Variants in IPO11 observed in about 807,000 individuals in gnomAD.
The protein encoded by IPO11 is importin 11.
In IPO11, 66 loss-of-function variants were observed where a neutral mutation model predicts 143.2. The observed-to-expected ratio is 0.46, with a 90% confidence interval of 0.38 to 0.57. The LOEUF is 0.57. Ranked by LOEUF, IPO11 falls within the 20% of genes least tolerant of loss-of-function variation. IPO11 has a pLI of 0.00. For synonymous variants in IPO11, 385 were observed against 377.8 expected (o/e 1.02, Z -0.22); for missense variants, 1,026 against 1,141.0 (o/e 0.90, Z 1.45).
At chr5:62,506,107 A>C in intron 18 of IPO11, 134 bp from the exon 19 acceptor site, 1 of 520,364 alleles carries the variant, frequency 1.9e-6, no homozygotes, top group South Asian at 3.0e-5. Context: ...TGTTTAGGTA[A>C]TGCCAAGCTT....
chr5:62,550,502 A>T, intron 25 of IPO11, 40 bp downstream of exon 25: 2 of 1,328,518 alleles, frequency 1.5e-6, no homozygotes, highest in Non-Finnish European at 2.1e-6. Context: ...GTGTTAGACT[A>T]TAGGATTCTA....
intron 24 of IPO11, among the ~76,000 whole-genome samples, chr5:62,540,891 C>G (rs1009499309): frequency 6.6e-6 from 1 of 152,112 alleles, no homozygotes; most frequent in Non-Finnish European, 1.5e-5. Context: ...TAATTTTAGG[C>G]AAAATAATTT....
chr5:62,551,891 T>C (rs1226661675), intron 26 of IPO11, among the ~76,000 whole-genome samples: 1 of 152,116 alleles, frequency 6.6e-6, no homozygotes, highest in Non-Finnish European at 1.5e-5. Context: ...TTTGGGAGGC[T>C]GAGGTGGGTG....
Position 62,536,754 on chromosome 5 carries a change from C to A in IPO11, c.2142C>A (p.Ile714=). 3.2e-6 allele frequency: 5 copies of A among 1,568,818 alleles called. No individual in the cohort carries two copies. The Middle Eastern group carries it at 8.4e-4, about 265-fold the overall frequency. ...GCTTTAAGATCATCAATGGTTATAT[C>A]TTTTTATCATCAACAGAATTTTTAC... ...RTCFKIINGY[I]FLSSTEFLQT... Residue 714 remains isoleucine (I), a synonymous_variant, in exon 23 of 30, where the codon ATC becomes ATA. Coordinates refer to ENST00000325324, the MANE Select transcript of IPO11 (RefSeq NM_016338.5).
intron 29 of IPO11, among the ~76,000 whole-genome samples, chr5:62,607,800 CTT>C (rs753761939): frequency 2.1e-5 from 3 of 142,038 alleles, no homozygotes; most frequent in African/African-American, 2.6e-5. Flanking sequence ...TGCCACATCT[CTT>C]TTTTTTTTTT....
At chr5:62,482,264 G>GT (rs1279261701) in intron 9 of IPO11, among the ~76,000 whole-genome samples, 1 of 152,092 alleles carries the variant, frequency 6.6e-6, no homozygotes, top group East Asian at 1.9e-4. Flanking sequence ...TTTTTGAAGG[G>GT]TTTTTTTGTG....
chr5:62,513,253 G>C (rs1461168489), intron 19 of IPO11, among the ~76,000 whole-genome samples: 1 of 151,646 alleles, frequency 6.6e-6, no homozygotes, highest in Non-Finnish European at 1.5e-5. Flanking sequence ...GCGGGTGGCC[G>C]GGCGGGGGGC....
At position 62,450,449 on chromosome 5, in the gene IPO11, TAAAC is replaced by T. The variant is rs1193697553; in HGVS notation, c.312+455_312+458del. On this transcript the variant is annotated intron_variant, in intron 4 of 29. Transcript: ENST00000325324. The stretch of plus-strand genomic sequence containing the variant: ...TCATTAGTTTGTGGTGATGTTGGTG[TAAAC>T]AAACCTATTGCACTGCTGCTAGTCT... Among the ~76,000 whole-genome samples, 7 of 152,306 alleles carry T rather than the reference TAAAC, an allele frequency of 4.6e-5. No individual in the cohort carries two copies. The South Asian group carries it at 8.3e-4, about 18-fold the overall frequency.
intron 29 of IPO11, among the ~76,000 whole-genome samples, chr5:62,620,947 A>G (rs1047675731): frequency 2.0e-5 from 3 of 152,242 alleles, no homozygotes; most frequent in African/African-American, 7.2e-5. Flanking sequence ...ATCGAGACTT[A>G]TTGAAATGCA....
At chr5:62,552,592 T>A (rs1268147707) in intron 26 of IPO11, among the ~76,000 whole-genome samples, 1 of 151,936 alleles carries the variant, frequency 6.6e-6, no homozygotes, top group Non-Finnish European at 1.5e-5. Flanking sequence ...GATTACAGGA[T>A]AACTAAAAAT....
chr5:62,420,614 C>G (rs892714695), intron 1 of IPO11, among the ~76,000 whole-genome samples: 2 of 150,412 alleles, frequency 1.3e-5, no homozygotes, highest in Non-Finnish European at 3.0e-5. Flanking sequence ...GGGTCTCACT[C>G]TGTCACCCAG....
intron 2 of IPO11, among the ~76,000 whole-genome samples, chr5:62,439,284 GTTTTTTTTTTT>G (rs1226593063): frequency 3.3e-5 from 3 of 90,940 alleles, no homozygotes; most frequent in South Asian, 4.3e-4. Flanking sequence ...AACTGCGTAG[GTTTTTTTTTTT>G]TTTTTTTTTT....
rs544047682 is a variant in IPO11 at position 62,535,644 on chromosome 5, G to A, written c.2090-1058G>A. On this transcript the variant is annotated intron_variant, in intron 22 of 29. Transcript: ENST00000325324. Reference sequence around the variant, plus strand: ...TAAAACTGTCAAATCCTAAAGTTTAGGAACTAATGCCTTCAGAGACATTTT... The same window carrying A: ...TAAAACTGTCAAATCCTAAAGTTTAAGAACTAATGCCTTCAGAGACATTTT... Among the ~76,000 whole-genome samples the A allele has an allele frequency of 4.1e-4, 62 of 152,076 alleles. 2 individuals are homozygous for A. The highest frequency in any genetic ancestry group is 1.5e-3 in the African/African-American group (61 of 41,504).
At chr5:62,558,450 A>G (rs1275274659) in intron 26 of IPO11, among the ~76,000 whole-genome samples, 1 of 152,234 alleles carries the variant, frequency 6.6e-6, no homozygotes, top group African/African-American at 2.4e-5. Flanking sequence ...ACAAAAATAT[A>G]GTGGCTTGCT....
chr5:62,619,989 A>G (rs1314546206), intron 29 of IPO11, among the ~76,000 whole-genome samples: 1 of 152,234 alleles, frequency 6.6e-6, no homozygotes, highest in Non-Finnish European at 1.5e-5. Context: ...GGAAAAACAC[A>G]AGAGAGGCAG....
At chr5:62,435,140 A>ATATGTATATG (rs1744151599) in intron 1 of IPO11, among the ~76,000 whole-genome samples, 3 of 54,534 alleles carry the variant, frequency 5.5e-5, no homozygotes, top group Admixed American at 1.6e-4. Context: ...ATATATGTAT[A>ATATGTATATG]TATGTATATA....
chr5:62,415,746 G>A (rs1449974559), intron 1 of IPO11, among the ~76,000 whole-genome samples: 1 of 152,084 alleles, frequency 6.6e-6, no homozygotes, highest in African/African-American at 2.4e-5. Flanking sequence ...GGGATTACAG[G>A]CTTGAGCCAC....
At chr5:62,542,045 ATC>A (rs1034602599) in intron 24 of IPO11, among the ~76,000 whole-genome samples, 5 of 151,984 alleles carry the variant, frequency 3.3e-5, no homozygotes, top group South Asian at 2.1e-4. Context: ...ACAAGACTGC[ATC>A]TCTCTTTTTT....
chr5:62,496,559 A>G (rs569760796), intron 16 of IPO11, among the ~76,000 whole-genome samples: 33 of 152,202 alleles, frequency 2.2e-4, no homozygotes, highest in Non-Finnish European at 2.2e-4. Context: ...TAAAAAGTAC[A>G]TTTAAAATCA....
Sources: allele counts gnomAD v4.1 joint callset (sites outside exome capture counted in the v4.1 genomes callset), GRCh38; gene constraint gnomAD v4.1.1; transcripts MANE v1.5; gene names NCBI Gene and HGNC (gene_info 2026-07-23, HGNC 2026-07-21).